The following KANK1 variants were observed in gnomAD, a reference collection of about 807,000 sequenced individuals.
KANK1 encodes the protein KN motif and ankyrin repeat domains 1, also known as KN motif and ankyrin repeat domain-containing protein 1.
In KANK1, 109 loss-of-function variants were observed where a neutral mutation model predicts 106.2. That is an observed-to-expected ratio of 1.03 (90% CI 0.88 to 1.20). KANK1 has a LOEUF of 1.20. KANK1 is among the 50% of genes most tolerant of loss of function. KANK1 has a pLI of 0.00. For missense variants in KANK1, 2,399 were observed against 1,710.7 expected, an observed-to-expected ratio of 1.40 and a Z score of -7.10; for synonymous variants, 873 against 652.2, an observed-to-expected ratio of 1.34 and a Z score of -5.16.
chr9:505,036 C>A (rs1363972911), intron 1 of KANK1, among the ~76,000 whole-genome samples: 4 of 151,708 alleles, frequency 2.6e-5, no homozygotes, highest in Non-Finnish European at 4.4e-5. Context: ...GGCGCTCGGC[C>A]GGTCTGGAGG....
At chr9:480,314 C>T (rs935683300) in intron 3 of KANK1, among the ~76,000 whole-genome samples, 1 of 152,190 alleles carries the variant, frequency 6.6e-6, no homozygotes, top group Admixed American at 6.5e-5. Flanking sequence ...AAGATTATTC[C>T]AGGATATCTG....
rs936267917 is a variant in KANK1 at position 599,182 on chromosome 9, C to G, written c.-83-77708C>G. On this transcript the variant is annotated intron_variant, in intron 1 of 11. Coordinates refer to ENST00000382297, the MANE Select transcript of KANK1 (RefSeq NM_015158.5). ...TACAGGCACACACCACCATGCTTGA[C>G]TAATTTTTTATTGTTAGTAGAGACG... is the stretch of plus-strand genomic sequence containing the variant. Among the ~76,000 whole-genome samples, 6 of 150,896 alleles carry G rather than the reference C, an allele frequency of 4.0e-5. No individual in the cohort carries two copies. In the East Asian group the frequency reaches 1.2e-3, roughly 29 times the overall value.
chr9:636,857 C>G (rs1837261008), intron 1 of KANK1, among the ~76,000 whole-genome samples: 2 of 152,182 alleles, frequency 1.3e-5, no homozygotes, highest in African/African-American at 4.8e-5. Flanking sequence ...GCGCGAGACT[C>G]CGTCTCAAAA....
intron 1 of KANK1, among the ~76,000 whole-genome samples, chr9:569,828 G>GT (rs936771766): frequency 4.4e-4 from 65 of 146,476 alleles, no homozygotes; most frequent in African/African-American, 1.0e-3. Context: ...CAGATTGGGT[G>GT]TTTTTTTTTT....
chr9:470,843 G>C (rs2058006402), intron 2 of KANK1: 1 of 152,208 alleles, frequency 6.6e-6, no homozygotes, highest in South Asian at 2.1e-4. Context: ...GTGTGGGACT[G>C]TCTTCCCCCA....
chr9:652,293 G>A (rs1207712210), intron 1 of KANK1, among the ~76,000 whole-genome samples: 1 of 152,130 alleles, frequency 6.6e-6, no homozygotes, highest in Non-Finnish European at 1.5e-5. Flanking sequence ...GGCTAAGGCG[G>A]GTGGATCATC....
rs1375903053 is a variant in KANK1 at position 732,609 on chromosome 9, CAGAG to C, written c.3242_3245del (p.Glu1081GlyfsTer4). The C allele has an allele frequency of 3.1e-6, 5 of 1,613,802 alleles. No individual in the cohort carries two copies. Among genetic ancestry groups the C allele is most frequent in the Non-Finnish European group, 4.2e-6 (5 of 1,179,878 alleles). The stretch of plus-strand genomic sequence containing the variant: ...AATGTGAACCTGAGAAGGTGGAAAT[CAGAG>C]AGAGGTGTGGTACATTCCCCTTCCC... On this transcript the variant is annotated frameshift_variant, in exon 6 of 12. Coordinates refer to ENST00000382297, the MANE Select transcript of KANK1 (RefSeq NM_015158.5). LOFTEE classifies it high-confidence loss of function.
At chr9:626,891 T>C (rs1588374707) in intron 1 of KANK1, among the ~76,000 whole-genome samples, 4 of 152,342 alleles carry the variant, frequency 2.6e-5, no homozygotes, top group Admixed American at 2.6e-4. Flanking sequence ...TTAAACCAGA[T>C]AGAAGACAGG....
At chr9:562,001 T>G (rs987983985) in intron 1 of KANK1, among the ~76,000 whole-genome samples, 5 of 151,928 alleles carry the variant, frequency 3.3e-5, no homozygotes, top group Non-Finnish European at 7.4e-5. Context: ...ATTTTATAAC[T>G]TAGGTAAGTT....
At chr9:541,489 C>G (rs572190447) in intron 1 of KANK1, among the ~76,000 whole-genome samples, 9 of 152,204 alleles carry the variant, frequency 5.9e-5, no homozygotes, top group African/African-American at 2.2e-4. Flanking sequence ...GGACTAAAGA[C>G]TTAGTAAGAT....
chr9:735,195 ATTTTTT>A lies in KANK1; in HGVS notation c.3333+365_3333+370del, dbSNP rs550014461. Among the ~76,000 whole-genome samples the A allele has an allele frequency of 2.0e-5, 3 of 150,934 alleles. No homozygotes were observed. The East Asian group carries it at 5.8e-4, about 29-fold the overall frequency. On this transcript the variant is annotated intron_variant, in intron 7 of 11. Coordinates refer to ENST00000382297, the MANE Select transcript of KANK1 (RefSeq NM_015158.5). Reference sequence around the variant, plus strand: ...AAGATCCAGGGAGCAGCATCCAAGAATTTTTTTTTTAAGTTAGCATATGTTTTTAAA... The same window carrying A: ...AAGATCCAGGGAGCAGCATCCAAGAATTTTAAGTTAGCATATGTTTTTAAA...
At chr9:583,740 T>A (rs1588025180) in intron 1 of KANK1, among the ~76,000 whole-genome samples, 2 of 151,278 alleles carry the variant, frequency 1.3e-5, no homozygotes, top group African/African-American at 4.8e-5. Flanking sequence ...CTTCCTTTAT[T>A]AATATCCTGG....
chr9:728,289 C>T (rs1831281983), intron 3 of KANK1, among the ~76,000 whole-genome samples: 1 of 131,284 alleles, frequency 7.6e-6, no homozygotes, highest in East Asian at 2.9e-4. Flanking sequence ...ACCTCCACCT[C>T]CGGGTTCGAG....
At chr9:624,341 CTA>C (rs1263714562) in intron 1 of KANK1, among the ~76,000 whole-genome samples, 9 of 152,060 alleles carry the variant, frequency 5.9e-5, no homozygotes, top group African/African-American at 9.7e-5. Flanking sequence ...CAGAGGGTAA[CTA>C]TGTGTGATGA....
intron 10 of KANK1, 75 bp downstream of exon 10, chr9:742,480 G>C: frequency 8.3e-7 from 1 of 1,211,366 alleles, no homozygotes; most frequent in Non-Finnish European, 1.2e-6. Flanking sequence ...GTGCCTTTTG[G>C]CCAGGAGCGA....
chr9:661,671 C>T (rs1371432268), intron 1 of KANK1, among the ~76,000 whole-genome samples: 4 of 152,118 alleles, frequency 2.6e-5, no homozygotes, highest in Admixed American at 6.5e-5. Context: ...AGTGGTATTT[C>T]TAATTCTAGA....
chr9:609,334 A>G (rs1341366510), intron 1 of KANK1, among the ~76,000 whole-genome samples: 1 of 152,202 alleles, frequency 6.6e-6, no homozygotes, highest in African/African-American at 2.4e-5. Flanking sequence ...TCCTTTTTAA[A>G]TAGAATCAAT....
chr9:520,973 G>A (rs574969719), intron 1 of KANK1, among the ~76,000 whole-genome samples: 2 of 151,870 alleles, frequency 1.3e-5, no homozygotes, highest in African/African-American at 4.9e-5. Context: ...AACAGTGGAT[G>A]CTACTGTCAA....
intron 3 of KANK1, among the ~76,000 whole-genome samples, chr9:497,017 G>A (rs1034403527): frequency 4.6e-5 from 7 of 152,122 alleles, no homozygotes; most frequent in Middle Eastern, 3.4e-3. Context: ...CTTCAGCCAC[G>A]GAGAAAATGT....
Sources: gnomAD v4.1 joint callset for allele counts (sites outside exome capture counted in the v4.1 genomes callset) on GRCh38, gnomAD v4.1.1 for gene constraint, MANE v1.5 for transcripts, NCBI Gene and HGNC (gene_info 2026-07-23, HGNC 2026-07-21) for gene names.